The following TENM1 variants were observed in gnomAD, a reference collection of about 807,000 sequenced individuals.
TENM1 encodes the protein teneurin transmembrane protein 1, also known as teneurin-1.
TENM1 carries 35 observed loss-of-function variants against 174.8 expected under a neutral mutation model. That is an observed-to-expected ratio of 0.20 (90% CI 0.15 to 0.27). The LOEUF (loss-of-function observed/expected upper bound fraction) is 0.27, where lower values mean the gene tolerates loss of function less well. TENM1 is among the 10% of genes least tolerant of loss of function. The pLI is 1.00. For synonymous variants in TENM1, 781 were observed against 798.7 expected (o/e 0.98, Z 0.37); for missense variants, 1,633 against 2,130.1 (o/e 0.77, Z 4.59).
rs761225173 is a variant in TENM1 at position 124,520,797 on chromosome X, A to T, written c.3034-13T>A. 73 of 1,148,574 alleles carry T rather than the reference A, an allele frequency of 6.4e-5. 1 individual carries two copies. Among genetic ancestry groups the T allele is most frequent in the Admixed American group, 1.4e-4 (5 of 35,071 alleles). The allele number at this position is 1,148,574 out of a possible 1,213,427, so 94.7% of individuals were successfully genotyped here. Reference sequence around the variant, plus strand: ...CCTCCTGTACAACCTGAAATAAAAAAAAAAAAAAAAAGCCAAATAGGCTCT... The same window carrying T: ...CCTCCTGTACAACCTGAAATAAAAATAAAAAAAAAAAGCCAAATAGGCTCT... On this transcript the variant is annotated splice_polypyrimidine_tract_variant and intron_variant, in intron 17 of 31. Transcript: ENST00000422452.
the TENM1 span, among the ~76,000 whole-genome samples, chrX:125,126,850 A>C: frequency 2.7e-5 from 3 of 111,594 alleles, no homozygotes; most frequent in Non-Finnish European, 5.6e-5. Context: ...CAGATGGTAC[A>C]TGTGGAAATG....
chrX:124,513,628 G>A (rs9887530), intron 18 of TENM1, among the ~76,000 whole-genome samples: 1,772 of 112,109 alleles, frequency 0.016, 37 homozygotes, highest in African/African-American at 0.053. Context: ...GCAAAATTCA[G>A]TCTATTTCCT....
chrX:124,403,834 CACCTGCTCTACCCTAACTCATTCAGATT>C (rs1487117129), intron 27 of TENM1, among the ~76,000 whole-genome samples: 3 of 111,795 alleles, frequency 2.7e-5, no homozygotes, highest in Non-Finnish European at 5.6e-5. Context: ...TCATTCGGAT[CACCTGCTCTACCCTAACTCATTCAGATT>C]ACCTGCTACC....
chrX:124,676,255 AAAAT>A (rs1273561894), intron 5 of TENM1, among the ~76,000 whole-genome samples: 1 of 61,004 alleles, frequency 1.6e-5, no homozygotes, highest in African/African-American at 5.8e-5. Flanking sequence ...AGACATATAT[AAAAT>A]ATATATATAT....
chrX:124,798,824 T>G (rs1487710761), intron 3 of TENM1, among the ~76,000 whole-genome samples: 1 of 111,896 alleles, frequency 8.9e-6, no homozygotes, highest in African/African-American at 3.2e-5. Context: ...GGTTTTAGAT[T>G]TTACATTTAA....
At chrX:124,461,398 G>T (rs1021164814) in intron 22 of TENM1, among the ~76,000 whole-genome samples, 2 of 111,383 alleles carry the variant, frequency 1.8e-5, no homozygotes, top group Non-Finnish European at 3.8e-5. Flanking sequence ...CTACTACTGG[G>T]TATATATAGA....
intron 25 of TENM1, among the ~76,000 whole-genome samples, chrX:124,417,064 T>C (rs1247780283): frequency 1.8e-5 from 2 of 112,006 alleles, no homozygotes; most frequent in Non-Finnish European, 3.8e-5. Flanking sequence ...AATTACCCAG[T>C]AAAAGGTATT....
At chrX:124,678,193 C>T (rs1355965149) in intron 5 of TENM1, among the ~76,000 whole-genome samples, 1 of 110,691 alleles carries the variant, frequency 9.0e-6, no homozygotes, top group African/African-American at 3.3e-5. Flanking sequence ...GCTTTTTGGG[C>T]CAGAGAGCTT....
At chrX:124,648,717 C>CCCATACTAA (rs1320344339) in intron 8 of TENM1, among the ~76,000 whole-genome samples, 1 of 111,761 alleles carries the variant, frequency 8.9e-6, no homozygotes, top group Non-Finnish European at 1.9e-5. Context: ...TTGAATTTCC[C>CCCATACTAA]CCATGCTGGA....
intron 3 of TENM1, among the ~76,000 whole-genome samples, chrX:124,783,794 C>A (rs2054974397): frequency 8.9e-6 from 1 of 111,927 alleles, no homozygotes; most frequent in Non-Finnish European, 1.9e-5. Context: ...TGACAGAAAA[C>A]TCTCAGTATC....
At chrX:124,717,855 T>C (rs1018202329) in intron 4 of TENM1, among the ~76,000 whole-genome samples, 1 of 112,065 alleles carries the variant, frequency 8.9e-6, no homozygotes. Context: ...AGACATCTGA[T>C]CTAGAAGAAA....
chrX:124,724,594 C>T (rs948565421), intron 4 of TENM1, among the ~76,000 whole-genome samples: 2 of 111,237 alleles, frequency 1.8e-5, no homozygotes, highest in Admixed American at 1.9e-4. Context: ...TCAGGAGTTC[C>T]AGACTAGCCT....
At chrX:125,017,853 A>T in the TENM1 span, among the ~76,000 whole-genome samples, 1 of 110,881 alleles carries the variant, frequency 9.0e-6, no homozygotes, top group Non-Finnish European at 1.9e-5. Flanking sequence ...GGAACATCAC[A>T]CACCGGAGCC....
rs1050351714 is a variant in TENM1, at chrX:124,788,652, T to C, written c.536-51455A>G. 3.1e-4 allele frequency among the ~76,000 whole-genome samples: 35 copies of C among 112,746 alleles called. No individual in the cohort carries two copies. The Admixed American group carries it at 3.3e-3, about 11-fold the overall frequency. ...TTTGAAATCCAGCAAAGCAGTCAAA[T>C]CTTAATGCTCCAAAATGATCTCCTT... is the stretch of plus-strand genomic sequence containing the variant. On this transcript the variant is annotated intron_variant, in intron 3 of 31. Coordinates refer to ENST00000422452, the Ensembl canonical transcript of TENM1.
rs1216673597 is a variant in TENM1, at chrX:124,752,191, G to T, written c.536-14994C>A. Among the ~76,000 whole-genome samples, 6 of 111,668 alleles carry T rather than the reference G, an allele frequency of 5.4e-5. No individual in the cohort carries two copies. In the Admixed American group the frequency reaches 5.7e-4, roughly 11 times the overall value. On this transcript the variant is annotated intron_variant, in intron 3 of 31. Transcript: ENST00000422452. The stretch of plus-strand genomic sequence containing the variant: ...TTTTTAGTGATTGCCATTCTAACTG[G>T]TGTGAGATGGTATCTCATTGTGGTT...
intron 5 of TENM1, among the ~76,000 whole-genome samples, chrX:124,702,482 T>C (rs1198092536): frequency 8.9e-6 from 1 of 112,371 alleles, no homozygotes; most frequent in Non-Finnish European, 1.9e-5. Flanking sequence ...TCCCAGTAAA[T>C]GATTTCAACA....
At chrX:124,703,435 A>G (rs1034019245) in intron 5 of TENM1, among the ~76,000 whole-genome samples, 2 of 112,055 alleles carry the variant, frequency 1.8e-5, no homozygotes, top group African/African-American at 6.5e-5. Flanking sequence ...GGGAGTGGCC[A>G]TAATAATAAA....
exon 30 of TENM1, chrX:124,383,873 T>C: frequency 8.3e-7 from 1 of 1,211,700 alleles, no homozygotes; most frequent in Non-Finnish European, 1.1e-6. Context: ...AGTGTCATGA[T>C]AGATATCGCC....
chrX:124,559,744 G>A (rs925954422), intron 14 of TENM1, among the ~76,000 whole-genome samples: 5 of 111,587 alleles, frequency 4.5e-5, no homozygotes, highest in African/African-American at 1.6e-4. Context: ...ACAGTGCCTG[G>A]CACATAGTAA....
Sources: gnomAD v4.1 joint callset for allele counts (sites outside exome capture counted in the v4.1 genomes callset) on GRCh38, gnomAD v4.1.1 for gene constraint, MANE v1.5 for transcripts, NCBI Gene and HGNC (gene_info 2026-07-23, HGNC 2026-07-21) for gene names.